Variants in MAN2A1 observed in about 807,000 individuals in gnomAD.
The protein encoded by MAN2A1 is mannosidase alpha class 2A member 1.
MAN2A1 carries 76 observed loss-of-function variants against 142.6 expected under a neutral mutation model. That is an observed-to-expected ratio of 0.53 (90% CI 0.44 to 0.65). The LOEUF (loss-of-function observed/expected upper bound fraction) is 0.65, where lower values mean the gene tolerates loss of function less well. Ranked by LOEUF, MAN2A1 falls within the 30% of genes least tolerant of loss-of-function variation. The pLI is 0.00. For missense variants in MAN2A1, 1,311 were observed against 1,365.1 expected, an observed-to-expected ratio of 0.96 and a Z score of 0.62; for synonymous variants, 559 against 473.2, an observed-to-expected ratio of 1.18 and a Z score of -2.35.
chr5:109,786,497 G>C (rs964650138), intron 10 of MAN2A1, among the ~76,000 whole-genome samples: 1 of 151,932 alleles, frequency 6.6e-6, no homozygotes, highest in Non-Finnish European at 1.5e-5. Context: ...CATATGTTTT[G>C]TGTTGCTTTT....
intron 16 of MAN2A1, 68 bp from the exon 17 acceptor site, chr5:109,842,260 A>T: frequency 1.0e-6 from 1 of 1,000,068 alleles, no homozygotes; most frequent in Non-Finnish European, 1.5e-6. Flanking sequence ...AGTTCTGTAT[A>T]GTATATTTCA....
chr5:109,807,489 C>T lies in MAN2A1; in HGVS notation c.1944-9784C>T, dbSNP rs115065955. ...TATTGGTAGGGCTGGTTCCTTCTGG[C>T]GGCTCTGAGGGGAGAATCATTTCTT... On this transcript the variant is annotated intron_variant, in intron 12 of 21. Transcript: ENST00000261483. 7.9e-3 allele frequency among the ~76,000 whole-genome samples: 1,209 copies of T among 152,284 alleles called. 7 individuals are homozygous for T. The highest frequency in any genetic ancestry group is 0.013 in the Non-Finnish European group (866 of 68,024).
rs1754071627 is a variant in MAN2A1 at position 109,803,010 on chromosome 5, A to G, written c.1943+13483A>G. ...GAAGAAAAGTGTTTGTCATTAGGCT[A>G]TTACCAGTCTCACACATTGATTTTT... On this transcript the variant is annotated intron_variant, in intron 12 of 21. Transcript: ENST00000261483. Among the ~76,000 whole-genome samples the G allele has an allele frequency of 1.3e-5, 2 of 152,058 alleles. 1 individual carries two copies. Among genetic ancestry groups the G allele is most frequent in the African/African-American group, 4.8e-5 (2 of 41,452 alleles).
chr5:109,855,088 G>C lies in MAN2A1; in HGVS notation c.2977-52G>C, dbSNP rs1409293758. The C allele has an allele frequency of 3.2e-6, 3 of 930,292 alleles. No homozygotes were observed. The East Asian group carries it at 8.7e-5, about 27-fold the overall frequency. The allele number at this position is 930,292 out of a possible 1,614,324, so 57.6% of individuals were successfully genotyped here. ...CCCTCTCAGATAATTCTGTTAATAT[G>C]ATGAGAACTGGAAATATAGACCTCT... On this transcript the variant is annotated intron_variant, in intron 19 of 21. Transcript: ENST00000261483.
chr5:109,762,454 CT>C (rs1752877668), intron 5 of MAN2A1, among the ~76,000 whole-genome samples: 1 of 152,018 alleles, frequency 6.6e-6, no homozygotes, highest in Non-Finnish European at 1.5e-5. Flanking sequence ...CTCATTTGTT[CT>C]TTTTCTACAA....
At chr5:109,758,172 T>G (rs1752740555) in intron 5 of MAN2A1, among the ~76,000 whole-genome samples, 1 of 152,130 alleles carries the variant, frequency 6.6e-6, no homozygotes, top group South Asian at 2.1e-4. Context: ...TCTCCGTATC[T>G]TCACCAACAT....
intron 12 of MAN2A1, chr5:109,804,409 C>G: frequency 2.9e-6 from 1 of 340,004 alleles, no homozygotes; most frequent in Non-Finnish European, 4.2e-6. Flanking sequence ...ACTTTTCAAA[C>G]TGAAACATAG....
chr5:109,799,690 G>A (rs1219712874), intron 12 of MAN2A1, among the ~76,000 whole-genome samples: 1 of 151,526 alleles, frequency 6.6e-6, no homozygotes, highest in Non-Finnish European at 1.5e-5. Flanking sequence ...TGAGGTGGAG[G>A]TTGTGGTGAG....
chr5:109,751,263 T>G (rs1752539515), intron 4 of MAN2A1, among the ~76,000 whole-genome samples: 1 of 152,112 alleles, frequency 6.6e-6, no homozygotes. Context: ...TGTCTTTCTG[T>G]GCCTGGCTTA....
At chr5:109,788,713 G>T (rs1286536626) in intron 10 of MAN2A1, among the ~76,000 whole-genome samples, 1 of 151,674 alleles carries the variant, frequency 6.6e-6, no homozygotes, top group Non-Finnish European at 1.5e-5. Flanking sequence ...TTTCAGGTGT[G>T]TCCAGAAAGC....
chr5:109,734,102 T>C (rs1381827158), intron 4 of MAN2A1, among the ~76,000 whole-genome samples: 1 of 152,164 alleles, frequency 6.6e-6, no homozygotes, highest in Non-Finnish European at 1.5e-5. Flanking sequence ...AGGGTGTATG[T>C]GTCCAGGAAT....
At chr5:109,721,386 C>T (rs1381850812) in intron 3 of MAN2A1, among the ~76,000 whole-genome samples, 2 of 152,052 alleles carry the variant, frequency 1.3e-5, no homozygotes, top group African/African-American at 4.8e-5. Context: ...ATTTAGCAAA[C>T]AAAAATATAG....
chr5:109,707,840 A>G (rs1168278271), intron 1 of MAN2A1, among the ~76,000 whole-genome samples: 3 of 152,196 alleles, frequency 2.0e-5, no homozygotes, highest in Non-Finnish European at 2.9e-5. Flanking sequence ...CTAGGTAGAG[A>G]TTAAAGCCCT....
At chr5:109,760,650 C>G (rs1349010467) in intron 5 of MAN2A1, among the ~76,000 whole-genome samples, 1 of 152,100 alleles carries the variant, frequency 6.6e-6, no homozygotes, top group Admixed American at 6.6e-5. Context: ...GTTGTTTCCT[C>G]ACTTTTTAAT....
chr5:109,848,924 C>T (rs1212258871), intron 19 of MAN2A1, among the ~76,000 whole-genome samples: 1 of 152,184 alleles, frequency 6.6e-6, no homozygotes, highest in African/African-American at 2.4e-5. Context: ...CCATTTGTTT[C>T]AGTCTGGCTT....
rs192590909 is a variant in MAN2A1 at position 109,820,357 on chromosome 5, T to C, written c.2451+15T>C. ...GTAATGCCAAGGTAAGTGGTACTGA[T>C]GAGATGACAAATGGAATAAACACTT... On this transcript the variant is annotated intron_variant, in intron 15 of 21. Coordinates refer to ENST00000261483, the MANE Select transcript of MAN2A1 (RefSeq NM_002372.4). 887 of 1,597,722 alleles carry C rather than the reference T, an allele frequency of 5.6e-4. 5 individuals are homozygous for C. The Middle Eastern group carries it at 6.5e-3, about 12-fold the overall frequency.
At position 109,811,602 on chromosome 5, in the gene MAN2A1, G is replaced by GTGTCTGTGTGTC. The variant is rs1561524121; in HGVS notation, c.1944-5668_1944-5667insCTGTGTGTCTGT. 9.3e-5 allele frequency among the ~76,000 whole-genome samples: 13 copies of GTGTCTGTGTGTC among 140,252 alleles called. No individual in the cohort carries two copies. In the East Asian group the frequency reaches 3.8e-3, roughly 41 times the overall value. The allele number at this position is 140,252 out of a possible 152,430, so 92.0% of individuals were successfully genotyped here. A position where few individuals can be genotyped will look rare whatever the true frequency, so the allele number is the denominator to read the frequency against. On this transcript the variant is annotated intron_variant, in intron 12 of 21. Coordinates refer to ENST00000261483, the MANE Select transcript of MAN2A1 (RefSeq NM_002372.4). ...TGTGTGTGTGTGTGTGTGTGTGTGT[G>GTGTCTGTGTGTC]TGTGTCTGTGTCTGTGTGTCTGCAT...
At chr5:109,697,350 T>C (rs1396244460) in intron 1 of MAN2A1, among the ~76,000 whole-genome samples, 1 of 152,204 alleles carries the variant, frequency 6.6e-6, no homozygotes, top group African/African-American at 2.4e-5. Context: ...ATAGAGACTT[T>C]CCTCCTGATC....
intron 15 of MAN2A1, among the ~76,000 whole-genome samples, chr5:109,821,273 A>G (rs373889326): frequency 2.0e-5 from 3 of 152,150 alleles, no homozygotes; most frequent in Non-Finnish European, 4.4e-5. Context: ...ATCTGATGGT[A>G]TGTTTTTTAA....
Sources: gnomAD v4.1 joint callset for allele counts (sites outside exome capture counted in the v4.1 genomes callset) on GRCh38, gnomAD v4.1.1 for gene constraint, MANE v1.5 for transcripts, NCBI Gene and HGNC (gene_info 2026-07-23, HGNC 2026-07-21) for gene names.